Variants in SLIT3 observed in about 807,000 individuals in gnomAD.
SLIT3 encodes slit homolog 3 protein.
SLIT3 carries 68 observed loss-of-function variants against 184.0 expected under a neutral mutation model. That is an observed-to-expected ratio of 0.37 (90% confidence interval 0.30 to 0.45). The LOEUF is 0.45. Among genes scored for constraint, SLIT3 ranks in the 20% least tolerant of loss-of-function variants. The pLI is 1.00. For missense variants in SLIT3, 1,707 were observed against 2,026.0 expected (o/e 0.84, Z 3.02); for synonymous variants, 831 against 828.6 (o/e 1.00, Z -0.05).
chr5:169,145,926 C>A (rs894955228), intron 4 of SLIT3, among the ~76,000 whole-genome samples: 2 of 152,146 alleles, frequency 1.3e-5, no homozygotes, highest in Non-Finnish European at 2.9e-5. Flanking sequence ...CACACACAAC[C>A]TGTAGTCCCA....
intron 6 of SLIT3, among the ~76,000 whole-genome samples, chr5:168,824,846 G>C (rs991260154): frequency 3.9e-5 from 6 of 152,140 alleles, no homozygotes; most frequent in Admixed American, 3.9e-4. Flanking sequence ...CCCTTTCTTT[G>C]GAAGCCTTCA....
chr5:168,840,430 A>G (rs1581133846), intron 6 of SLIT3, among the ~76,000 whole-genome samples: 1 of 147,968 alleles, frequency 6.8e-6, no homozygotes, highest in East Asian at 2.0e-4. Context: ...TTTTTTTTTC[A>G]TTAGAGTTAA....
At chr5:168,767,826 G>A (rs1163720699) in intron 14 of SLIT3, among the ~76,000 whole-genome samples, 2 of 152,174 alleles carry the variant, frequency 1.3e-5, no homozygotes, top group Admixed American at 1.3e-4. Flanking sequence ...CGTATGCCTT[G>A]GGTATACTTG....
chr5:169,069,735 G>A (rs971060282), intron 4 of SLIT3, among the ~76,000 whole-genome samples: 2 of 152,124 alleles, frequency 1.3e-5, no homozygotes, highest in Non-Finnish European at 2.9e-5. Context: ...GAGGGAGAGA[G>A]GGGAGGTAGG....
intron 20 of SLIT3, among the ~76,000 whole-genome samples, chr5:168,726,233 C>T (rs993575278): frequency 2.6e-5 from 4 of 151,528 alleles, no homozygotes; most frequent in African/African-American, 9.7e-5. Flanking sequence ...TGCATTCATT[C>T]AAGCCCAAGT....
At chr5:169,100,276 G>A (rs1346717739) in intron 4 of SLIT3, among the ~76,000 whole-genome samples, 1 of 152,150 alleles carries the variant, frequency 6.6e-6, no homozygotes, top group Admixed American at 6.5e-5. Context: ...AGACGGGAAG[G>A]AGAGGACAGC....
chr5:169,213,459 C>T (rs1764338938), intron 3 of SLIT3, among the ~76,000 whole-genome samples: 1 of 152,186 alleles, frequency 6.6e-6, no homozygotes, highest in Non-Finnish European at 1.5e-5. Flanking sequence ...CAAAAAAGAG[C>T]CTGCATAGCC....
At chr5:169,199,676 C>T (rs1420142884) in intron 3 of SLIT3, among the ~76,000 whole-genome samples, 1 of 152,202 alleles carries the variant, frequency 6.6e-6, no homozygotes, top group Admixed American at 6.5e-5. Context: ...AGGTTAAGAA[C>T]TTGCCCAAAG....
chr5:169,300,065 C>T lies in SLIT3; in HGVS notation c.197+448G>A, dbSNP rs1767632975. ...GAGAGCGGCTGGCCCATTCTGATCT[C>T]CAAGCAGGTCAACAGTCTCGGGCCC... On this transcript the variant is annotated intron_variant, in intron 1 of 35. Transcript: ENST00000519560. This position sits in a 1 kb window ranked among gnomAD's most constrained non-coding sequence, Gnocchi z 4.1. 6.6e-6 allele frequency among the ~76,000 whole-genome samples: 1 copy of T among 152,246 alleles called. No individual in the cohort carries two copies. The highest frequency in any genetic ancestry group is 2.1e-4 in the South Asian group (1 of 4,834).
At chr5:168,915,114 T>A (rs965656441) in intron 4 of SLIT3, among the ~76,000 whole-genome samples, 1 of 152,198 alleles carries the variant, frequency 6.6e-6, no homozygotes, top group Non-Finnish European at 1.5e-5. Context: ...GGGGGAGAAT[T>A]CAGCTTTTAT....
At chr5:168,754,856 T>C (rs1754840143) in intron 16 of SLIT3, among the ~76,000 whole-genome samples, 1 of 152,204 alleles carries the variant, frequency 6.6e-6, no homozygotes, top group African/African-American at 2.4e-5. Flanking sequence ...AAATAGTGAC[T>C]CTCAAACTTA....
intron 4 of SLIT3, among the ~76,000 whole-genome samples, chr5:168,976,833 G>T (rs971465407): frequency 8.5e-5 from 13 of 152,146 alleles, no homozygotes; most frequent in African/African-American, 3.1e-4. Flanking sequence ...ACTTTATTTT[G>T]TCTCTTATTC....
chr5:169,094,002 T>G (rs1362533106), intron 4 of SLIT3, among the ~76,000 whole-genome samples: 1 of 152,242 alleles, frequency 6.6e-6, no homozygotes, highest in Non-Finnish European at 1.5e-5. Context: ...GCATTTCCTA[T>G]CTGTGAACTC....
At chr5:169,069,899 G>C (rs1439627186) in intron 4 of SLIT3, among the ~76,000 whole-genome samples, 1 of 152,130 alleles carries the variant, frequency 6.6e-6, no homozygotes, top group Non-Finnish European at 1.5e-5. Flanking sequence ...GGGAACCCTC[G>C]GAAAGATCTT....
chr5:168,904,904 C>G (rs1056533816), intron 4 of SLIT3, among the ~76,000 whole-genome samples: 4 of 152,082 alleles, frequency 2.6e-5, no homozygotes, highest in African/African-American at 9.7e-5. Context: ...TGGTGGCTCA[C>G]GCCTGTAATC....
At chr5:168,940,457 GA>G (rs1020277507) in intron 4 of SLIT3, among the ~76,000 whole-genome samples, 22 of 150,816 alleles carry the variant, frequency 1.5e-4, no homozygotes, top group Admixed American at 6.6e-5. Flanking sequence ...GAGCAAAGAA[GA>G]AAAAAAACTA....
chr5:169,029,993 G>A lies in SLIT3; in HGVS notation c.414-146657C>T, dbSNP rs77915335. ...ATGCTGTCCTCTGCCTTGTAATCCA[G>A]GGCTTTTAGGAACCACTTCAGCTTT... On this transcript the variant is annotated intron_variant, in intron 4 of 35. Coordinates refer to ENST00000519560, the MANE Select transcript of SLIT3 (RefSeq NM_003062.4). Among the ~76,000 whole-genome samples the A allele has an allele frequency of 9.3e-3, 1,413 of 152,246 alleles. 33 individuals are homozygous for A. Among genetic ancestry groups the A allele is most frequent in the African/African-American group, 0.033 (1,351 of 41,552 alleles).
chr5:168,821,101 T>C (rs956177771), intron 7 of SLIT3, among the ~76,000 whole-genome samples: 1 of 152,254 alleles, frequency 6.6e-6, no homozygotes, highest in East Asian at 1.9e-4. Context: ...ACGAGATTGA[T>C]TGATTGATCT....
intron 4 of SLIT3, among the ~76,000 whole-genome samples, chr5:169,124,205 T>C (rs577233765): frequency 3.3e-5 from 5 of 152,340 alleles, no homozygotes; most frequent in African/African-American, 7.2e-5. Flanking sequence ...AGGAATAGAC[T>C]GAATGGCAGG....
Sources: allele counts gnomAD v4.1 joint callset (sites outside exome capture counted in the v4.1 genomes callset), GRCh38; gene constraint gnomAD v4.1.1; non-coding constraint Gnocchi (gnomAD v3.1); transcripts MANE v1.5; gene names NCBI Gene and HGNC (gene_info 2026-07-23, HGNC 2026-07-21).